DLG2: variants seen among roughly 807,000 people sequenced by gnomAD.
DLG2 encodes disks large homolog 2.
DLG2 carries 45 observed loss-of-function variants against 132.5 expected under a neutral mutation model. The observed-to-expected ratio is 0.34, with a 90% CI of 0.27 to 0.44. The LOEUF (loss-of-function observed/expected upper bound fraction) is 0.44, where lower values mean the gene tolerates loss of function less well. Ranked by LOEUF, DLG2 falls within the 20% of genes least tolerant of loss-of-function variation. The pLI is 1.00. For missense variants in DLG2, 1,045 were observed against 1,196.9 expected (o/e 0.87, Z 1.87); for synonymous variants, 424 against 419.6 (o/e 1.01, Z -0.13).
intron 6 of DLG2, among the ~76,000 whole-genome samples, chr11:84,738,872 G>C (rs1198845723): frequency 6.6e-6 from 1 of 152,078 alleles, no homozygotes. Flanking sequence ...ATTAACAAGT[G>C]AATGTATAAA....
Position 84,629,589 on chromosome 11 carries a change from T to A in DLG2, c.358-94858A>T, listed in dbSNP as rs74354558. ...AGAGTTCAAGTTCTTCCTTAGGTTA[T>A]AATATTTAGCAAGTATTCTAACAAT... On this transcript the variant is annotated intron_variant, in intron 6 of 27. Coordinates refer to ENST00000376104, the MANE Select transcript of DLG2 (RefSeq NM_001142699.3). Among the ~76,000 whole-genome samples, 308 of 152,370 alleles carry A rather than the reference T, an allele frequency of 2.0e-3. 2 individuals carry two copies. Among genetic ancestry groups the A allele is most frequent in the African/African-American group, 7.2e-3 (298 of 41,582 alleles).
At chr11:84,165,847 G>A (rs528795699) in intron 8 of DLG2, among the ~76,000 whole-genome samples, 1 of 152,106 alleles carries the variant, frequency 6.6e-6, no homozygotes, top group South Asian at 2.1e-4. Context: ...ACAGTGAGCC[G>A]AGATCGCACC....
intron 17 of DLG2, among the ~76,000 whole-genome samples, chr11:83,823,888 T>C (rs547001754): frequency 3.9e-5 from 6 of 152,316 alleles, no homozygotes; most frequent in African/African-American, 1.2e-4. Flanking sequence ...TTTATGCTTT[T>C]TTCATTAACT....
intron 12 of DLG2, among the ~76,000 whole-genome samples, chr11:83,975,740 G>T (rs749096757): frequency 6.6e-6 from 1 of 151,958 alleles, no homozygotes; most frequent in African/African-American, 2.4e-5. Context: ...AAACTGAGAA[G>T]TGGAGAAGTG....
chr11:85,033,439 A>G (rs1325963204), intron 6 of DLG2, among the ~76,000 whole-genome samples: 1 of 152,124 alleles, frequency 6.6e-6, no homozygotes, highest in Non-Finnish European at 1.5e-5. Flanking sequence ...GGATAAAAAA[A>G]TAGAAAGCAA....
chr11:85,611,211 C>A (rs1436362168), intron 2 of DLG2, among the ~76,000 whole-genome samples: 4 of 152,200 alleles, frequency 2.6e-5, no homozygotes, highest in Admixed American at 2.6e-4. Flanking sequence ...GTAGTTGTGG[C>A]AGTGGCCATC....
chr11:84,428,302 C>T (rs985785416), intron 7 of DLG2, among the ~76,000 whole-genome samples: 3 of 152,154 alleles, frequency 2.0e-5, no homozygotes, highest in Admixed American at 1.3e-4. Context: ...TATTTCTACC[C>T]GGTGTTGATA....
chr11:85,342,571 A>G (rs2082572746), intron 3 of DLG2, among the ~76,000 whole-genome samples: 8 of 152,254 alleles, frequency 5.3e-5, no homozygotes, highest in Admixed American at 5.2e-4. Flanking sequence ...ACACTCTAAA[A>G]AATGATTTAA....
intron 6 of DLG2, among the ~76,000 whole-genome samples, chr11:84,642,683 C>T (rs752528888): frequency 6.6e-6 from 1 of 152,172 alleles, no homozygotes; most frequent in Non-Finnish European, 1.5e-5. Flanking sequence ...CTGTAAACCA[C>T]AGCTAGAGGT....
chr11:83,659,920 A>G (rs1424979369), intron 18 of DLG2, among the ~76,000 whole-genome samples: 1 of 152,220 alleles, frequency 6.6e-6, no homozygotes, highest in Admixed American at 6.5e-5. Flanking sequence ...TGTGGCCCTC[A>G]GAGTGCCTAT....
intron 3 of DLG2, among the ~76,000 whole-genome samples, chr11:85,380,304 C>T (rs2085770964): frequency 6.6e-6 from 1 of 152,208 alleles, no homozygotes; most frequent in Non-Finnish European, 1.5e-5. Flanking sequence ...AAATACGTTC[C>T]ATATCATTTT....
intron 3 of DLG2, among the ~76,000 whole-genome samples, chr11:85,458,598 C>A (rs575041949): frequency 6.6e-6 from 1 of 152,176 alleles, no homozygotes; most frequent in Non-Finnish European, 1.5e-5. Context: ...AGTTAGTACA[C>A]TTCTTTTCTG....
intron 6 of DLG2, among the ~76,000 whole-genome samples, chr11:84,836,739 T>C (rs1219448222): frequency 6.6e-6 from 1 of 151,906 alleles, no homozygotes; most frequent in Non-Finnish European, 1.5e-5. Context: ...TCTAACAACC[T>C]ATAATGTTAT....
chr11:84,747,201 A>C (rs989365922), intron 6 of DLG2, among the ~76,000 whole-genome samples: 5 of 152,190 alleles, frequency 3.3e-5, no homozygotes, highest in Non-Finnish European at 5.9e-5. Flanking sequence ...AACAAAAAGC[A>C]TTCCCCAAAG....
intron 3 of DLG2, among the ~76,000 whole-genome samples, chr11:85,398,589 A>G (rs2087671743): frequency 6.6e-6 from 1 of 152,202 alleles, no homozygotes; most frequent in Non-Finnish European, 1.5e-5. Context: ...AAAAATGATA[A>G]AGGGGATATC....
Position 85,120,744 on chromosome 11 carries a change from G to GATA in DLG2, c.283-9012_283-9010dup, listed in dbSNP as rs139885772. On this transcript the variant is annotated intron_variant, in intron 5 of 27. Coordinates refer to ENST00000376104, the MANE Select transcript of DLG2 (RefSeq NM_001142699.3). ...AAAAATCAAAATTCTTGCTGGCATA[G>GATA]ATAATAAATGGTATGATTTATGTCT... 2.5e-3 allele frequency among the ~76,000 whole-genome samples: 383 copies of GATA among 152,146 alleles called. 2 individuals are homozygous for GATA. The highest frequency in any genetic ancestry group is 8.9e-3 in the African/African-American group (370 of 41,550).
intron 18 of DLG2, among the ~76,000 whole-genome samples, chr11:83,769,779 G>A (rs2094307268): frequency 6.6e-6 from 1 of 151,976 alleles, no homozygotes; most frequent in Non-Finnish European, 1.5e-5. Context: ...TGGCCAGGCT[G>A]GTCTTGAACT....
intron 5 of DLG2, among the ~76,000 whole-genome samples, chr11:85,123,983 A>G (rs960173033): frequency 2.0e-5 from 3 of 152,242 alleles, no homozygotes; most frequent in Non-Finnish European, 4.4e-5. Flanking sequence ...CCATGACTAC[A>G]CAAATAGAAA....
In DLG2 at chr11:83,955,433, A is replaced by G. The variant is rs949513824; in HGVS notation, c.1340+7452T>C. Among the ~76,000 whole-genome samples, 3 of 152,192 alleles carry G rather than the reference A, an allele frequency of 2.0e-5. No individual in the cohort carries two copies. The East Asian group carries it at 5.8e-4, about 29-fold the overall frequency. On this transcript the variant is annotated intron_variant, in intron 14 of 27. Coordinates refer to ENST00000376104, the MANE Select transcript of DLG2 (RefSeq NM_001142699.3). ...AAGTGACAGTGACAGGAGGCAGCCAAACGCCTAGGCAGATAGGGGTGGGTA... is the reference window on the plus strand; with the variant it reads ...AAGTGACAGTGACAGGAGGCAGCCAGACGCCTAGGCAGATAGGGGTGGGTA...
Sources: gnomAD v4.1 joint callset for allele counts (sites outside exome capture counted in the v4.1 genomes callset) on GRCh38, gnomAD v4.1.1 for gene constraint, MANE v1.5 for transcripts, NCBI Gene and HGNC (gene_info 2026-07-23, HGNC 2026-07-21) for gene names.